CMYA5: variants seen among roughly 807,000 people sequenced by gnomAD.
CMYA5 encodes the protein cardiomyopathy associated 5.
Under a neutral mutation model 318.9 loss-of-function variants are expected in CMYA5, and 246 were observed. The observed-to-expected ratio is 0.77, with a 90% CI of 0.70 to 0.86. CMYA5 has a LOEUF of 0.86. Among genes scored for constraint, CMYA5 ranks in the 40% least tolerant of loss-of-function variants. The probability of loss-of-function intolerance (pLI) is 0.00; values close to 1 mark genes in which losing one functional copy is unlikely to be tolerated. For synonymous variants in CMYA5, 1,641 were observed against 1,729.5 expected (o/e 0.95, Z 1.27); for missense variants, 4,589 against 4,678.2 (o/e 0.98, Z 0.56).
chr5:79,739,397 T>C lies in CMYA5; in HGVS notation c.10632T>C (p.Ala3544=). 1.3e-6 allele frequency: 2 copies of C among 1,518,058 alleles called. No individual in the cohort carries two copies. Among genetic ancestry groups the C allele is most frequent in the Non-Finnish European group, 8.8e-7 (1 of 1,134,926 alleles). 94.0% of individuals were successfully genotyped at this position (1,518,058 alleles called of 1,614,324 possible). A position where few individuals can be genotyped will look rare whatever the true frequency, so the allele number is the denominator to read the frequency against. The change falls in exon 2 of 13, where the codon GCT becomes GCC. Residue 3544 remains alanine (A), a synonymous_variant. Coordinates refer to ENST00000446378, the MANE Select transcript of CMYA5 (RefSeq NM_153610.5). Reference sequence around the variant, plus strand: ...CAACGCTTGACACAGCTATAAGTGCTGTAAAGGTAAATAGATGTTGAACAC... The same window carrying C: ...CAACGCTTGACACAGCTATAAGTGCCGTAAAGGTAAATAGATGTTGAACAC... ...EVSTLDTAIS[A]VKVQLAEFLE... is the part of the protein sequence containing the mutation.
chr5:79,712,933 A>T (rs979471604), intron 1 of CMYA5, among the ~76,000 whole-genome samples: 1 of 152,198 alleles, frequency 6.6e-6, no homozygotes, highest in Admixed American at 6.5e-5. Flanking sequence ...CTCAACATTC[A>T]TGGGAATTTG....
At chr5:79,696,835 C>T (rs1827076198) in intron 1 of CMYA5, among the ~76,000 whole-genome samples, 1 of 152,060 alleles carries the variant, frequency 6.6e-6, no homozygotes, top group African/African-American at 2.4e-5. Flanking sequence ...GCGAAACCCC[C>T]GTCTCTACTA....
intron 1 of CMYA5, among the ~76,000 whole-genome samples, chr5:79,725,364 C>G (rs1276856016): frequency 6.6e-6 from 1 of 152,138 alleles, no homozygotes. Context: ...AATGCAGAAA[C>G]AGAAAACTAA....
Position 79,730,414 on chromosome 5 carries a change from A to T in CMYA5, c.1649A>T (p.His550Leu), listed in dbSNP as rs778505660. Residue 550 changes from histidine to leucine, a missense_variant, in exon 2 of 13, where the codon CAT becomes CTT. His to Leu is a moderately conservative substitution (Grantham distance 99). Transcript: ENST00000446378. ...GTTTCCGAGAAGCCCTTCCCACCAC[A>T]TATGTCCCCTGAAGTGGAGCACAAA... ...PLVSEKPFPP[H>L]MSPEVEHKEE... 31 of 1,613,760 alleles carry T rather than the reference A, an allele frequency of 1.9e-5. No individual in the cohort carries two copies. In the South Asian group the frequency reaches 3.4e-4, roughly 18 times the overall value.
chr5:79,723,101 G>T (rs1022266985), intron 1 of CMYA5, among the ~76,000 whole-genome samples: 2 of 152,094 alleles, frequency 1.3e-5, no homozygotes, highest in Non-Finnish European at 2.9e-5. Context: ...GTTCTATGAG[G>T]CATCATAATC....
chr5:79,784,826 C>G (rs904171882), intron 9 of CMYA5, among the ~76,000 whole-genome samples: 1 of 150,318 alleles, frequency 6.7e-6, no homozygotes, highest in Non-Finnish European at 1.5e-5. Context: ...CTGGCACTCC[C>G]TAGTGAGATG....
chr5:79,731,411 A>G lies in CMYA5; in HGVS notation c.2646A>G (p.Leu882=), dbSNP rs755834810. The stretch of plus-strand genomic sequence containing the variant: ...CCACCCCATCTGAATATGTTGTTCT[A>G]TCAGACGAAGAGGCAGTCGAGTTGG... The part of the protein sequence containing the change: ...LSATPSEYVV[L]SDEEAVELER... The change falls in exon 2 of 13, where the codon CTA becomes CTG. Residue 882 remains leucine (L), a synonymous_variant. Coordinates refer to ENST00000446378, the MANE Select transcript of CMYA5 (RefSeq NM_153610.5). 20 of 1,613,588 alleles carry G rather than the reference A, an allele frequency of 1.2e-5. No individual in the cohort carries two copies. Among genetic ancestry groups the G allele is most frequent in the African/African-American group, 2.7e-5 (2 of 74,888 alleles).
chr5:79,789,166 G>C, intron 10 of CMYA5, 62 bp downstream of exon 10: 1 of 1,588,770 alleles, frequency 6.3e-7, no homozygotes, highest in Non-Finnish European at 8.6e-7. Flanking sequence ...CCACCCCTCA[G>C]AGAAGATGTC....
intron 1 of CMYA5, among the ~76,000 whole-genome samples, chr5:79,697,121 A>C (rs1410105321): frequency 6.6e-6 from 1 of 152,238 alleles, no homozygotes; most frequent in Non-Finnish European, 1.5e-5. Context: ...AAACAGGTGA[A>C]GTTATTAATC....
intron 11 of CMYA5, among the ~76,000 whole-genome samples, chr5:79,793,023 A>G (rs751846074): frequency 6.6e-6 from 1 of 152,106 alleles, no homozygotes; most frequent in Non-Finnish European, 1.5e-5. Context: ...AGTTTTGGAG[A>G]TTTCTTTTTT....
chr5:79,778,805 C>T (rs1023310647), intron 9 of CMYA5, among the ~76,000 whole-genome samples: 4 of 86,056 alleles, frequency 4.6e-5, no homozygotes, highest in African/African-American at 2.7e-4. Flanking sequence ...GCCCCCCTCT[C>T]TCTTTCTGTG....
intron 9 of CMYA5, among the ~76,000 whole-genome samples, chr5:79,770,722 C>T (rs1350345742): frequency 1.3e-5 from 2 of 152,158 alleles, no homozygotes; most frequent in African/African-American, 2.4e-5. Flanking sequence ...ATTCGGCCAT[C>T]TTGCCAGCCA....
At chr5:79,790,875 G>C in intron 10 of CMYA5, 95 bp from the exon 11 acceptor site, 1 of 772,522 alleles carries the variant, frequency 1.3e-6, no homozygotes, top group Non-Finnish European at 2.2e-6. Flanking sequence ...TTGACGTCAG[G>C]GGAAAGAGTC....
intron 12 of CMYA5, among the ~76,000 whole-genome samples, chr5:79,796,588 AC>A (rs1404919069): frequency 1.3e-5 from 2 of 152,172 alleles, no homozygotes; most frequent in African/African-American, 2.4e-5. Context: ...TTTAGTAGAA[AC>A]AGATTTTCAC....
Position 79,757,667 on chromosome 5 carries a change from C to T in CMYA5, c.11111-1086C>T, listed in dbSNP as rs147637126. On this transcript the variant is annotated intron_variant, in intron 6 of 12. Coordinates refer to ENST00000446378, the MANE Select transcript of CMYA5 (RefSeq NM_153610.5). Reference sequence around the variant, plus strand: ...TTAAAAGGGTTTCATTTGCCTCTATCGTGAATATAGAATCTATATTGATAC... The same window carrying T: ...TTAAAAGGGTTTCATTTGCCTCTATTGTGAATATAGAATCTATATTGATAC... Among the ~76,000 whole-genome samples the T allele has an allele frequency of 6.5e-3, 992 of 152,252 alleles. 12 individuals carry two copies. Among genetic ancestry groups the T allele is most frequent in the Non-Finnish European group, 7.9e-3 (540 of 68,008 alleles).
At chr5:79,758,948 T>A (rs1421852619) in intron 7 of CMYA5, 46 bp downstream of exon 7, 8 of 1,448,056 alleles carry the variant, frequency 5.5e-6, no homozygotes, top group Non-Finnish European at 7.4e-6. Flanking sequence ...TATTCATGCA[T>A]CTTCATGTGA....
At chr5:79,728,187 A>G (rs1827785869) in intron 1 of CMYA5, among the ~76,000 whole-genome samples, 1 of 152,190 alleles carries the variant, frequency 6.6e-6, no homozygotes, top group Admixed American at 6.5e-5. Flanking sequence ...ATCATGACTC[A>G]GAGTTCCCAA....
chr5:79,797,650 C>T (rs1416755992), intron 12 of CMYA5, among the ~76,000 whole-genome samples: 1 of 152,168 alleles, frequency 6.6e-6, no homozygotes, highest in East Asian at 1.9e-4. Flanking sequence ...CTATCCCATT[C>T]TCCACCATTA....
At position 79,713,292 on chromosome 5, in the gene CMYA5, ACCCCGC is replaced by A. The variant is rs1259645239; in HGVS notation, c.150-15618_150-15613del. ...CACAGGACAGTCCCCACCCCGCTGCACCCCGCCCCCACCCCCCACCCGCCGTCACAA... is the reference window on the plus strand; with the variant it reads ...CACAGGACAGTCCCCACCCCGCTGCACCCCACCCCCCACCCGCCGTCACAA... On this transcript the variant is annotated intron_variant, in intron 1 of 12. Transcript: ENST00000446378. 2.4e-3 allele frequency among the ~76,000 whole-genome samples: 134 copies of A among 56,932 alleles called. 1 individual carries two copies. Among genetic ancestry groups the A allele is most frequent in the African/African-American group, 7.4e-3 (105 of 14,272 alleles). The allele number at this position is 56,932 out of a possible 152,430, so 37.3% of individuals were successfully genotyped here.
Sources: gnomAD v4.1 joint callset for allele counts (sites outside exome capture counted in the v4.1 genomes callset) on GRCh38, gnomAD v4.1.1 for gene constraint, MANE v1.5 for transcripts, NCBI Gene and HGNC (gene_info 2026-07-23, HGNC 2026-07-21) for gene names.